GCLC: variants seen among roughly 807,000 people sequenced by gnomAD.
The protein encoded by GCLC is glutamate--cysteine ligase catalytic subunit.
GCLC carries 30 observed loss-of-function variants against 81.5 expected under a neutral mutation model. The ratio of observed to expected loss-of-function variants is 0.37; its 90% CI spans 0.28 to 0.50. GCLC has a LOEUF of 0.50. GCLC is among the 20% of genes least tolerant of loss of function. The pLI, the probability that GCLC is intolerant of heterozygous loss-of-function variation, is 0.96. For synonymous variants in GCLC, 262 were observed against 273.3 expected (o/e 0.96, Z 0.41); for missense variants, 556 against 777.4 (o/e 0.72, Z 3.39).
chr6:53,516,396 C>G (rs1015821288), intron 3 of GCLC, among the ~76,000 whole-genome samples, 174 bp from the exon 4 acceptor site: 1 of 152,180 alleles, frequency 6.6e-6, no homozygotes, highest in African/African-American at 2.4e-5. Context: ...TACAACCACT[C>G]CCCACACTTC....
intron 1 of GCLC, among the ~76,000 whole-genome samples, chr6:53,533,855 C>T (rs1283401150): frequency 8.0e-5 from 12 of 149,952 alleles, no homozygotes; most frequent in African/African-American, 2.7e-4. Context: ...AGTGCAATGG[C>T]GCAATCTCAG....
chr6:53,530,714 A>G (rs1246669125), intron 1 of GCLC, among the ~76,000 whole-genome samples: 1 of 152,210 alleles, frequency 6.6e-6, no homozygotes, highest in Admixed American at 6.5e-5. Context: ...TCGTTTTGAA[A>G]GAGTGCTGGC....
At chr6:53,503,542 G>A (rs560101252) in intron 12 of GCLC, among the ~76,000 whole-genome samples, 24 of 152,278 alleles carry the variant, frequency 1.6e-4, no homozygotes, top group African/African-American at 5.8e-4. Context: ...TCGAGATTCT[G>A]AAAACTTCTT....
intron 1 of GCLC, among the ~76,000 whole-genome samples, chr6:53,532,059 C>A (rs536108905): frequency 2.0e-5 from 3 of 152,356 alleles, no homozygotes; most frequent in Admixed American, 6.5e-5. Context: ...AAACTTACCC[C>A]TTTAGAGCAT....
At chr6:53,536,451 T>G (rs758638456) in intron 1 of GCLC, among the ~76,000 whole-genome samples, 4 of 152,222 alleles carry the variant, frequency 2.6e-5, no homozygotes, top group Non-Finnish European at 5.9e-5. Flanking sequence ...TTATGTTAAT[T>G]ATAACTCAAT....
chr6:53,507,339 G>A (rs1764635680), intron 9 of GCLC, 141 bp downstream of exon 9: 1 of 828,202 alleles, frequency 1.2e-6, no homozygotes. Context: ...TGAAACTTTA[G>A]GAACAAGTAG....
chr6:53,502,999 A>G (rs1764541602), intron 12 of GCLC, among the ~76,000 whole-genome samples: 1 of 152,222 alleles, frequency 6.6e-6, no homozygotes, highest in Non-Finnish European at 1.5e-5. Flanking sequence ...ATGAGTATCT[A>G]CCATTCATCT....
At position 53,506,664 on chromosome 6, in the gene GCLC, AAAAT is replaced by A; in HGVS notation, c.1197+245_1197+248del. On this transcript the variant is annotated intron_variant, in intron 10 of 15. Transcript: ENST00000650454. This position sits in a 1 kb window ranked among gnomAD's most constrained non-coding sequence, Gnocchi z 4.0. ...AAGAAAATACTGAACAATAAAAAAA[AAAAT>A]TAGAATCAGTGAGATAAACAGTAAG... 1 of 451,256 alleles carries A rather than the reference AAAAT, an allele frequency of 2.2e-6. No homozygotes were observed. Among genetic ancestry groups the A allele is most frequent in the African/African-American group, 2.0e-5 (1 of 50,498 alleles). 28.0% of individuals were successfully genotyped at this position (451,256 alleles called of 1,614,324 possible).
At chr6:53,512,474 A>G (rs1764773154) in intron 6 of GCLC, among the ~76,000 whole-genome samples, 2 of 151,936 alleles carry the variant, frequency 1.3e-5, no homozygotes, top group South Asian at 4.2e-4. Flanking sequence ...AATTTAATAC[A>G]TTCATATAAT....
At chr6:53,522,167 C>T (rs955591723) in intron 2 of GCLC, among the ~76,000 whole-genome samples, 2 of 152,114 alleles carry the variant, frequency 1.3e-5, no homozygotes, top group African/African-American at 4.8e-5. Context: ...ATTCCAACAC[C>T]TTAGGTAGGT....
At chr6:53,527,671 G>A (rs1176549338) in intron 1 of GCLC, among the ~76,000 whole-genome samples, 1 of 152,190 alleles carries the variant, frequency 6.6e-6, no homozygotes, top group Non-Finnish European at 1.5e-5. Context: ...TGCTCAAAAT[G>A]ACCAAAGAGA....
rs17883033 is a variant in GCLC at position 53,516,234 on chromosome 6, T to C, written c.447-12A>G. On this transcript the variant is annotated splice_polypyrimidine_tract_variant and intron_variant, in intron 3 of 15. Coordinates refer to ENST00000650454, the MANE Select transcript of GCLC (RefSeq NM_001498.4). The stretch of plus-strand genomic sequence containing the variant: ...CAGGACAGCCTAATCTACAACAAAT[T>C]GAAGAACTAAATAGATGGGATTTGT... 3.3e-6 allele frequency: 5 copies of C among 1,492,874 alleles called. No homozygotes were observed. Among genetic ancestry groups the C allele is most frequent in the Non-Finnish European group, 4.7e-6 (5 of 1,069,298 alleles). 92.5% of individuals were successfully genotyped at this position (1,492,874 alleles called of 1,614,324 possible). A position where few individuals can be genotyped will look rare whatever the true frequency, so the allele number is the denominator to read the frequency against.
In GCLC at chr6:53,498,818, A is replaced by C; in HGVS notation, c.1852T>G (p.Leu618Val). The change falls in exon 16 of 16, where the codon TTA becomes GTA. Residue 618 changes from leucine to valine, a missense_variant. Physicochemically the swap from Leu to Val is conservative, Grantham distance 32 (BLOSUM62 1). Coordinates refer to ENST00000650454, the MANE Select transcript of GCLC (RefSeq NM_001498.4). ...IANELCECPELLGSAFRKVKY... is the reference protein window; with the variant it reads ...IANELCECPEVLGSAFRKVKY... ...ACTTTCCTAAATGCTGATCCAAGTA[A>C]CTCTGGGCATTCACATAATTCATTT... The C allele has an allele frequency of 6.2e-7, 1 of 1,613,608 alleles. No homozygotes were observed. Among genetic ancestry groups the C allele is most frequent in the Non-Finnish European group, 8.5e-7 (1 of 1,179,562 alleles).
At chr6:53,526,195 C>A (rs1763077982) in intron 1 of GCLC, among the ~76,000 whole-genome samples, 1 of 152,118 alleles carries the variant, frequency 6.6e-6, no homozygotes, top group Admixed American at 6.5e-5. Context: ...TAGGAAAACT[C>A]CAGACACAGT....
chr6:53,535,473 C>T (rs774143458), intron 1 of GCLC, among the ~76,000 whole-genome samples: 67 of 151,738 alleles, frequency 4.4e-4, no homozygotes, highest in Non-Finnish European at 3.1e-4. Flanking sequence ...GAGATTGCAC[C>T]GCTGCACTAC....
chr6:53,530,919 G>C (rs1763160764), intron 1 of GCLC, among the ~76,000 whole-genome samples: 1 of 152,118 alleles, frequency 6.6e-6, no homozygotes, highest in Non-Finnish European at 1.5e-5. Context: ...TATTAAAACT[G>C]TCACAGAGCT....
rs1006169300 is a variant in GCLC, at chr6:53,500,159, C to A, written c.1588G>T (p.Val530Leu). ...AGAATTGGGATCAGTCCAGGAAACA[C>A]ACCTTCCTACAAGAAGCAGGACACT... Reference protein sequence around the residue: ...IDTIINGKEGVFPGLIPILNS... With the variant: ...IDTIINGKEGLFPGLIPILNS... Residue 530 changes from valine (V) to leucine (L), a missense_variant, in exon 15 of 16, where the codon GTG becomes TTG. Physicochemically the swap from Val to Leu is conservative, Grantham distance 32. Coordinates refer to ENST00000650454, the MANE Select transcript of GCLC (RefSeq NM_001498.4). The A allele has an allele frequency of 6.2e-7, 1 of 1,614,034 alleles. No homozygotes were observed.
intron 7 of GCLC, among the ~76,000 whole-genome samples, 153 bp from the exon 8 acceptor site, chr6:53,508,864 A>C (rs77516417): frequency 0.014 from 2,117 of 152,338 alleles, 15 homozygotes; most frequent in Non-Finnish European, 0.021. Flanking sequence ...GAAATATACC[A>C]GGAAGAATCC....
At chr6:53,533,271 A>G (rs981606598) in intron 1 of GCLC, among the ~76,000 whole-genome samples, 1 of 152,242 alleles carries the variant, frequency 6.6e-6, no homozygotes, top group African/African-American at 2.4e-5. Context: ...TATGAAATGT[A>G]AAAACATGCA....
Sources: allele counts gnomAD v4.1 joint callset (sites outside exome capture counted in the v4.1 genomes callset), GRCh38; gene constraint gnomAD v4.1.1; non-coding constraint Gnocchi (gnomAD v3.1); transcripts MANE v1.5; gene names NCBI Gene and HGNC (gene_info 2026-07-23, HGNC 2026-07-21).